The following PLEKHM1 variants were observed in gnomAD, a reference collection of about 807,000 sequenced individuals.
PLEKHM1 encodes the protein pleckstrin homology domain-containing family M member 1.
PLEKHM1 carries 28 observed loss-of-function variants against 94.3 expected under a neutral mutation model. The observed-to-expected ratio is 0.30, with a 90% CI of 0.22 to 0.41. The LOEUF is 0.41. PLEKHM1 is among the 10% of genes least tolerant of loss of function. PLEKHM1 has a pLI of 1.00. For missense variants in PLEKHM1, 907 were observed against 1,358.6 expected, an observed-to-expected ratio of 0.67 and a Z score of 5.22; for synonymous variants, 424 against 581.2, an observed-to-expected ratio of 0.73 and a Z score of 3.89.
At chr17:45,435,378 C>T (rs2050230837), downstream of PLEKHM1, among the ~76,000 whole-genome samples, 1 of 152,174 alleles carries the variant, frequency 6.6e-6, no homozygotes, top group African/African-American at 2.4e-5. Flanking sequence ...GTCCCCTGGG[C>T]TTCTCCTGGA....
chr17:45,447,871 C>T (rs1461631859), intron 8 of PLEKHM1: 1 of 151,704 alleles, frequency 6.6e-6, no homozygotes, highest in African/African-American at 2.4e-5. Flanking sequence ...AATCTCAGCT[C>T]ACCACAATAT....
rs57281298 is a variant in PLEKHM1 at position 45,440,341 on chromosome 17, C to T, written c.2838-115G>A. ...ACCAGGCAGACACCCCCCGCCTGGG[C>T]GGGGCAGGGGCTAGGAGTGTAATTC... On this transcript the variant is annotated intron_variant, in intron 9 of 11. Coordinates refer to ENST00000430334, the MANE Select transcript of PLEKHM1 (RefSeq NM_014798.3). 1.7e-5 allele frequency: 18 copies of T among 1,040,682 alleles called. No homozygotes were observed. In the East Asian group the frequency reaches 2.4e-4, roughly 14 times the overall value. 64.5% of individuals were successfully genotyped at this position (1,040,682 alleles called of 1,614,324 possible).
chr17:45,486,110 G>A (rs1250580397), intron 1 of PLEKHM1, among the ~76,000 whole-genome samples: 2 of 146,632 alleles, frequency 1.4e-5, no homozygotes, highest in East Asian at 2.0e-4. Context: ...CCAGCTACTC[G>A]GGAGGCTGAG....
At position 45,458,353 on chromosome 17, in the gene PLEKHM1, A is replaced by C; in HGVS notation, c.1395T>G (p.Ala465=). The change falls in exon 6 of 12, where the codon GCT becomes GCG. Residue 465 remains alanine (A), a synonymous_variant. Transcript: ENST00000430334. Reference sequence around the variant, plus strand: ...TTGACCCTGGAGTCCCCCTGTAAGAAGCTATTGGGTGGTCTGAAGCACTCT... The same window carrying C: ...TTGACCCTGGAGTCCCCCTGTAAGACGCTATTGGGTGGTCTGAAGCACTCT... The part of the protein sequence containing the change: ...PLESASDHPI[A]SYRGTPGSRP... The C allele has an allele frequency of 1.2e-6, 2 of 1,613,982 alleles. No homozygotes were observed. Among genetic ancestry groups the C allele is most frequent in the Non-Finnish European group, 1.7e-6 (2 of 1,179,858 alleles).
At chr17:45,490,279 C>T (rs564771949) in intron 1 of PLEKHM1, among the ~76,000 whole-genome samples, 1 of 150,506 alleles carries the variant, frequency 6.6e-6, no homozygotes, top group Admixed American at 6.6e-5. Context: ...TCGGGATTAC[C>T]AGAGGGGTGG....
At chr17:45,487,886 C>T (rs2052180134) in intron 1 of PLEKHM1, 5 of 445,572 alleles carry the variant, frequency 1.1e-5, no homozygotes, top group South Asian at 4.7e-5. Flanking sequence ...CACAGCCTGG[C>T]TTTAAGCCAT....
Position 45,445,754 on chromosome 17 carries a change from T to G in PLEKHM1, c.2644-91A>C. On this transcript the variant is annotated intron_variant, in intron 8 of 11. Coordinates refer to ENST00000430334, the MANE Select transcript of PLEKHM1 (RefSeq NM_014798.3). The surrounding 1 kb of genome is among the most constrained non-coding windows in gnomAD (Gnocchi z 4.2). Reference sequence around the variant, plus strand: ...GTGCCACATGACCTGCTCACTTACCTGAGGGGCTATCTTCATTTTACAGAT... The same window carrying G: ...GTGCCACATGACCTGCTCACTTACCGGAGGGGCTATCTTCATTTTACAGAT... 1 of 884,424 alleles carries G rather than the reference T, an allele frequency of 1.1e-6. No homozygotes were observed. Among genetic ancestry groups the G allele is most frequent in the Non-Finnish European group, 1.9e-6 (1 of 526,534 alleles). The allele number at this position is 884,424 out of a possible 1,614,324, so 54.8% of individuals were successfully genotyped here. A position where few individuals can be genotyped will look rare whatever the true frequency, so the allele number is the denominator to read the frequency against.
At chr17:45,465,727 T>TA (rs1185729605) in intron 5 of PLEKHM1, among the ~76,000 whole-genome samples, 3 of 151,448 alleles carry the variant, frequency 2.0e-5, no homozygotes, top group African/African-American at 7.3e-5. Flanking sequence ...TTTTTTTTTT[T>TA]AAAAGAAGCC....
At chr17:45,452,157 G>A (rs2050792066) in intron 7 of PLEKHM1, among the ~76,000 whole-genome samples, 1 of 152,090 alleles carries the variant, frequency 6.6e-6, no homozygotes, top group Non-Finnish European at 1.5e-5. Context: ...CCTGGATGGT[G>A]GGGGGAGTGG....
rs572352191 is a variant in PLEKHM1, at chr17:45,443,147, T to C, written c.2837+2323A>G. On this transcript the variant is annotated intron_variant, in intron 9 of 11. Coordinates refer to ENST00000430334, the MANE Select transcript of PLEKHM1 (RefSeq NM_014798.3). ...GACCTTTGTAAAGAAGAAAAACATT[T>C]TAGAAGGAAAAAGGAAAATATCTCT... is the stretch of plus-strand genomic sequence containing the variant. Among the ~76,000 whole-genome samples, 48 of 152,104 alleles carry C rather than the reference T, an allele frequency of 3.2e-4. No homozygotes were observed. The East Asian group carries it at 9.1e-3, about 29-fold the overall frequency.
intron 1 of PLEKHM1, among the ~76,000 whole-genome samples, chr17:45,490,434 C>G (rs1185913180): frequency 6.6e-6 from 1 of 151,162 alleles, no homozygotes; most frequent in African/African-American, 2.4e-5. Flanking sequence ...GGGGGCTGGA[C>G]AGACGGAGGG....
intron 9 of PLEKHM1, among the ~76,000 whole-genome samples, chr17:45,442,375 A>T (rs1488986793): frequency 6.6e-6 from 1 of 151,410 alleles, no homozygotes; most frequent in Non-Finnish European, 1.5e-5. Context: ...CACCAACTGC[A>T]CTCCACTGGG....
rs2051391195 is a variant in PLEKHM1, at chr17:45,468,426, G to A, written c.1091C>T (p.Ala364Val). 1 of 1,614,228 alleles carries A rather than the reference G, an allele frequency of 6.2e-7. No homozygotes were observed. Among genetic ancestry groups the A allele is most frequent in the Non-Finnish European group, 8.5e-7 (1 of 1,180,040 alleles). ...GTGGACACCATCTTGAGTTCCAGAG[G>A]CTGCCTGGGCAGGAAGGGGCTCTGC... ...APAEPLPAQA[A>V]SGTQDGVHVQ... Residue 364 changes from alanine to valine, a missense_variant, in exon 5 of 12, where the codon GCC (alanine) becomes GTC (valine). By Grantham distance (64) the Ala-to-Val change is moderately conservative. This residue lies in a region of PLEKHM1 where 477 missense variants were observed against 601.5 expected (regional missense o/e 0.79). Transcript: ENST00000430334.
In PLEKHM1 at chr17:45,437,360, G is replaced by GCCACTCAGGA. The variant is rs1398422171; in HGVS notation, c.*497_*498insTCCTGAGTGG. 2.9e-5 allele frequency: 13 copies of GCCACTCAGGA among 454,256 alleles called. No homozygotes were observed. Among genetic ancestry groups the GCCACTCAGGA allele is most frequent in the African/African-American group, 2.4e-4 (12 of 50,152 alleles). The allele number at this position is 454,256 out of a possible 1,614,324, so 28.1% of individuals were successfully genotyped here. On this transcript the variant is annotated 3_prime_UTR_variant, in exon 12 of 12. Transcript: ENST00000430334. The surrounding 1 kb of genome is among the most constrained non-coding windows in gnomAD (Gnocchi z 4.0). ...CGCTACCTCTAAGCCAGGCCTGAGT[G>GCCACTCAGGA]GCTCCTGTGCATCCGCTGGGGGTGA...
At chr17:45,440,499 T>G in intron 9 of PLEKHM1, 2 of 585,762 alleles carry the variant, frequency 3.4e-6, no homozygotes, top group Non-Finnish European at 6.1e-6. Flanking sequence ...AAGTAACTTA[T>G]TTAAAGCATT....
chr17:45,473,569 T>A (rs558393523), intron 4 of PLEKHM1, among the ~76,000 whole-genome samples: 21 of 152,126 alleles, frequency 1.4e-4, no homozygotes, highest in Non-Finnish European at 2.5e-4. Flanking sequence ...TTTTATTTTT[T>A]TTTTTTTGGG....
At position 45,453,838 on chromosome 17, in the gene PLEKHM1, A is replaced by C; in HGVS notation, c.2014T>G (p.Phe672Val). 1 of 1,613,934 alleles carries C rather than the reference A, an allele frequency of 6.2e-7. No homozygotes were observed. The highest frequency in any genetic ancestry group is 8.5e-7 in the Non-Finnish European group (1 of 1,179,846). Reference protein sequence around the residue: ...SEPAALQGTQFDWSSAQVPEP... With the variant: ...SEPAALQGTQVDWSSAQVPEP... Reference sequence around the variant, plus strand: ...GGAACCTGGGCGGACGACCAGTCAAACTGTGTGCCCTGGAGGGCCGCGGGC... The same window carrying C: ...GGAACCTGGGCGGACGACCAGTCAACCTGTGTGCCCTGGAGGGCCGCGGGC... The change falls in exon 7 of 12, where the codon TTT (phenylalanine) becomes GTT (valine). Residue 672 changes from phenylalanine (F) to valine (V), a missense_variant. Around this residue, in one of 3 missense-constraint regions of PLEKHM1, gnomAD observed 477 missense variants for 601.5 expected, o/e 0.79. Transcript: ENST00000430334. The surrounding 1 kb of genome is among the most constrained non-coding windows in gnomAD (Gnocchi z 4.1).
At chr17:45,443,678 A>G (rs1171387302) in intron 9 of PLEKHM1, among the ~76,000 whole-genome samples, 1 of 151,704 alleles carries the variant, frequency 6.6e-6, no homozygotes, top group East Asian at 1.9e-4. Context: ...TGGTCTACAC[A>G]GGTCTGCATG....
In PLEKHM1 at chr17:45,453,556, C is replaced by T. The variant is rs763229786; in HGVS notation, c.2296G>A (p.Ala766Thr). Residue 766 changes from alanine (A) to threonine (T), a missense_variant, in exon 7 of 12, where the codon GCC becomes ACC. By Grantham distance (58) the Ala-to-Thr change is moderately conservative. This residue lies in a region of PLEKHM1 where 254 missense variants were observed against 451.1 expected (regional missense o/e 0.56). Transcript: ENST00000430334. The surrounding 1 kb of genome is among the most constrained non-coding windows in gnomAD (Gnocchi z 4.1). ...TTGCGGACCAGATCCCTCCACAGGG[C>T]GGCTTCCTCGGCGTTTCCGGCCTGC... is the stretch of plus-strand genomic sequence containing the variant. The part of the protein sequence containing the change: ...KLQAGNAEEA[A>T]LWRDLVRKVL... The T allele has an allele frequency of 1.4e-5, 22 of 1,600,590 alleles. No homozygotes were observed. In the Middle Eastern group the frequency reaches 5.0e-4, roughly 37 times the overall value.
Sources: gnomAD v4.1 joint callset for allele counts (sites outside exome capture counted in the v4.1 genomes callset) on GRCh38, gnomAD v4.1.1 for gene constraint, gnomAD v4.1.1 regional missense constraint, Gnocchi (gnomAD v3.1) non-coding constraint, MANE v1.5 for transcripts, NCBI Gene and HGNC (gene_info 2026-07-23, HGNC 2026-07-21) for gene names.